SSUH2: variants seen among roughly 807,000 people sequenced by gnomAD.
SSUH2 encodes ssu-2 homolog.
SSUH2 carries 47 observed loss-of-function variants against 55.3 expected under a neutral mutation model. The observed-to-expected ratio is 0.85, with a 90% confidence interval of 0.67 to 1.08. The LOEUF (loss-of-function observed/expected upper bound fraction) is 1.08, where lower values mean the gene tolerates loss of function less well. Among genes scored for constraint, SSUH2 ranks in the 50% least tolerant of loss-of-function variants. The pLI is 0.00. For synonymous variants in SSUH2, 212 were observed against 191.5 expected (o/e 1.11, Z -0.89); for missense variants, 535 against 490.7 (o/e 1.09, Z -0.85).
chr3:8,671,673 C>T (rs1487940752), intron 4 of SSUH2, among the ~76,000 whole-genome samples: 1 of 152,086 alleles, frequency 6.6e-6, no homozygotes, highest in Non-Finnish European at 1.5e-5. Context: ...CGAATAATAT[C>T]GCAGGGTGTA....
chr3:8,624,658 T>C (rs888348836), intron 10 of SSUH2, among the ~76,000 whole-genome samples: 1 of 152,224 alleles, frequency 6.6e-6, no homozygotes, highest in African/African-American at 2.4e-5. Flanking sequence ...TCAGACTATG[T>C]AGTCTGTCAT....
chr3:8,654,189 G>A (rs1702711578), intron 7 of SSUH2, among the ~76,000 whole-genome samples: 1 of 152,178 alleles, frequency 6.6e-6, no homozygotes, highest in African/African-American at 2.4e-5. Flanking sequence ...GAAAGAGAGA[G>A]AGCAAGCTTT....
intron 6 of SSUH2, among the ~76,000 whole-genome samples, chr3:8,661,068 T>C (rs1224337257): frequency 6.6e-6 from 1 of 152,240 alleles, no homozygotes; most frequent in Non-Finnish European, 1.5e-5. Flanking sequence ...TTTCTGGCTC[T>C]CATGCTCTTG....
At chr3:8,665,190 G>A (rs73127062) in intron 5 of SSUH2, among the ~76,000 whole-genome samples, 1 of 150,684 alleles carries the variant, frequency 6.6e-6, no homozygotes, top group Non-Finnish European at 1.5e-5. Flanking sequence ...AAAGAAAGAA[G>A]AAAAAGAGAA....
intron 3 of SSUH2, among the ~76,000 whole-genome samples, chr3:8,673,533 G>A (rs1006152016): frequency 2.0e-5 from 3 of 152,088 alleles, no homozygotes; most frequent in Non-Finnish European, 2.9e-5. Flanking sequence ...ATCCTACAGC[G>A]AAAAGCCGCA....
At chr3:8,677,461 G>C (rs1266692181) in intron 2 of SSUH2, 2 of 150,784 alleles carry the variant, frequency 1.3e-5, no homozygotes, top group Non-Finnish European at 2.9e-5. Context: ...GGTCACAAAG[G>C]GGGCGGGGAC....
At chr3:8,675,786 T>A (rs1310916732) in intron 3 of SSUH2, among the ~76,000 whole-genome samples, 2 of 152,050 alleles carry the variant, frequency 1.3e-5, no homozygotes, top group Admixed American at 6.5e-5. Context: ...CAACAGCAAG[T>A]CTTTCATCAG....
upstream of SSUH2, among the ~76,000 whole-genome samples, chr3:8,647,665 G>C (rs1045109243): frequency 6.6e-6 from 1 of 152,180 alleles, no homozygotes; most frequent in Admixed American, 6.5e-5. Context: ...ACCATCTACA[G>C]AGCCCTCACT....
intron 10 of SSUH2, 62 bp downstream of exon 10, chr3:8,625,480 A>T: frequency 9.7e-7 from 1 of 1,026,648 alleles, no homozygotes; most frequent in Middle Eastern, 2.2e-4. Flanking sequence ...TAGCAGCCCC[A>T]GGCCCACGAG....
intron 1 of SSUH2, among the ~76,000 whole-genome samples, chr3:8,642,710 A>G (rs1701061835): frequency 6.6e-6 from 1 of 152,212 alleles, no homozygotes; most frequent in African/African-American, 2.4e-5. Flanking sequence ...TAGACCTGAA[A>G]AGTGATGGGA....
In SSUH2 at chr3:8,655,158, G is replaced by A. The variant is rs1185610362; in HGVS notation, c.-307+3767C>T. 1.4e-4 allele frequency among the ~76,000 whole-genome samples: 3 copies of A among 20,876 alleles called. 1 individual carries two copies. Among genetic ancestry groups the A allele is most frequent in the Non-Finnish European group, 4.0e-4 (3 of 7,460 alleles). The allele number at this position is 20,876 out of a possible 152,430, so 13.7% of individuals were successfully genotyped here. On this transcript the variant is annotated intron_variant, in intron 7 of 18. Transcript: ENST00000317371. Reference sequence around the variant, plus strand: ...ATCACAGTGGGTGGCCTCTTCCCCCGGGTCTCAGTGTGTGGCCTCCCCAAG... The same window carrying A: ...ATCACAGTGGGTGGCCTCTTCCCCCAGGTCTCAGTGTGTGGCCTCCCCAAG...
Position 8,679,370 on chromosome 3 carries a change from G to T in SSUH2, c.-901+335C>A, listed in dbSNP as rs1237531270. 7.6e-5 allele frequency among the ~76,000 whole-genome samples: 7 copies of T among 92,676 alleles called. 1 individual carries two copies. The highest frequency in any genetic ancestry group is 1.7e-4 in the African/African-American group (5 of 28,670). 60.8% of individuals were successfully genotyped at this position (92,676 alleles called of 152,430 possible). On this transcript the variant is annotated intron_variant, in intron 2 of 18. Transcript: ENST00000317371. Reference sequence around the variant, plus strand: ...TCTTCCGACCCCCATCGCATTGGCGGGAGGCATCCCCCAGGAGGAGGGGAC... The same window carrying T: ...TCTTCCGACCCCCATCGCATTGGCGTGAGGCATCCCCCAGGAGGAGGGGAC...
intron 1 of SSUH2, among the ~76,000 whole-genome samples, chr3:8,637,083 T>C (rs1410531458): frequency 6.6e-6 from 1 of 152,200 alleles, no homozygotes; most frequent in Non-Finnish European, 1.5e-5. Flanking sequence ...ATTTTGAATA[T>C]GGGTCTTTTC....
chr3:8,633,184 C>T (rs1306102432), intron 4 of SSUH2, among the ~76,000 whole-genome samples: 3 of 145,544 alleles, frequency 2.1e-5, no homozygotes, highest in Non-Finnish European at 4.5e-5. Flanking sequence ...GTTCTTGTTG[C>T]CCAGGCTGGA....
intron 11 of SSUH2, among the ~76,000 whole-genome samples, chr3:8,622,109 T>C (rs1696573392): frequency 6.6e-6 from 1 of 152,168 alleles, no homozygotes; most frequent in Non-Finnish European, 1.5e-5. Context: ...GTCATGGCCA[T>C]GGCTGGGAGA....
At chr3:8,680,370 T>C (rs1243496990) in intron 1 of SSUH2, among the ~76,000 whole-genome samples, 1 of 152,012 alleles carries the variant, frequency 6.6e-6, no homozygotes, top group Non-Finnish European at 1.5e-5. Context: ...GTTTACCATA[T>C]TGTGAGTCAT....
chr3:8,679,018 T>TA (rs1263637095), intron 2 of SSUH2, among the ~76,000 whole-genome samples: 2 of 106,210 alleles, frequency 1.9e-5, no homozygotes, highest in Admixed American at 1.8e-4. Context: ...CCAGCCCCTC[T>TA]TCCCCCCCTG....
intron 5 of SSUH2, among the ~76,000 whole-genome samples, chr3:8,669,449 T>A (rs1354134085): frequency 6.6e-6 from 1 of 152,192 alleles, no homozygotes; most frequent in Non-Finnish European, 1.5e-5. Context: ...ACAGCAATAA[T>A]TGCTGCAAGA....
intron 6 of SSUH2, among the ~76,000 whole-genome samples, chr3:8,662,126 T>C (rs1209580779): frequency 6.6e-6 from 1 of 152,208 alleles, no homozygotes; most frequent in Admixed American, 6.5e-5. Flanking sequence ...AGTACACTAA[T>C]ACACATGCCC....
Sources: gnomAD v4.1 joint callset for allele counts (sites outside exome capture counted in the v4.1 genomes callset) on GRCh38, gnomAD v4.1.1 for gene constraint, MANE v1.5 for transcripts, NCBI Gene and HGNC (gene_info 2026-07-23, HGNC 2026-07-21) for gene names.